The following PHYHD1 variants were observed in gnomAD, a reference collection of about 807,000 sequenced individuals.
PHYHD1 encodes the protein phytanoyl-CoA dioxygenase domain-containing protein 1.
A neutral mutation model predicts 43.6 loss-of-function variants in PHYHD1; 42 were observed. The observed-to-expected ratio is 0.96, with a 90% CI of 0.75 to 1.25. PHYHD1 has a LOEUF of 1.25. Among genes scored for constraint, PHYHD1 ranks in the 50% most tolerant of loss-of-function variants. The pLI, the probability that PHYHD1 is intolerant of heterozygous loss-of-function variation, is 0.00. For missense variants in PHYHD1, 342 were observed against 370.8 expected (o/e 0.92, Z 0.64); for synonymous variants, 139 against 143.6 (o/e 0.97, Z 0.23).
intron 4 of PHYHD1, among the ~76,000 whole-genome samples, chr9:128,930,667 C>T (rs185626514): frequency 6.6e-5 from 10 of 150,660 alleles, no homozygotes; most frequent in Non-Finnish European, 7.4e-5. Flanking sequence ...AAAAGCACCT[C>T]GGCCGGGTGC....
Position 128,927,049 on chromosome 9 carries a change from T to G in PHYHD1, c.45T>G (p.Asp15Glu), listed in dbSNP as rs1388661459. The G allele has an allele frequency of 6.2e-7, 1 of 1,614,138 alleles. No individual in the cohort carries two copies. Among genetic ancestry groups the G allele is most frequent in the African/African-American group, 1.3e-5 (1 of 75,050 alleles). The change falls in exon 4 of 13, where the codon GAT becomes GAG. Residue 15 changes from aspartate to glutamate, a missense_variant. Coordinates refer to ENST00000372592, the MANE Select transcript of PHYHD1 (RefSeq NM_001100876.2). ...SPSQLQKFQQ[D>E]GFLVLEGFLS... ...AAGCCTGCCTGCAGTTCCAACAGGATGGATTCCTGGTGCTGGAAGGATTCT... is the reference window on the plus strand; with the variant it reads ...AAGCCTGCCTGCAGTTCCAACAGGAGGGATTCCTGGTGCTGGAAGGATTCT...
chr9:128,922,864 C>CT (rs1314814728), intron 3 of PHYHD1, among the ~76,000 whole-genome samples: 4 of 151,732 alleles, frequency 2.6e-5, no homozygotes, highest in African/African-American at 9.7e-5. Context: ...GAATCAAGTG[C>CT]TGGACAGGTT....
intron 6 of PHYHD1, among the ~76,000 whole-genome samples, chr9:128,935,837 G>A (rs1841411358): frequency 6.6e-6 from 1 of 152,136 alleles, no homozygotes; most frequent in Non-Finnish European, 1.5e-5. Flanking sequence ...GGGAGGTGGA[G>A]GTTGCAGTGA....
At chr9:128,922,401 TC>T in intron 3 of PHYHD1, 45 bp downstream of exon 3, 1 of 1,532,082 alleles carries the variant, frequency 6.5e-7, no homozygotes, top group Non-Finnish European at 8.8e-7. Context: ...GGCGGGGGGG[TC>T]CCTGCCGGAC....
At chr9:128,924,317 C>G (rs1311097841) in intron 3 of PHYHD1, among the ~76,000 whole-genome samples, 2 of 152,142 alleles carry the variant, frequency 1.3e-5, no homozygotes, top group Non-Finnish European at 2.9e-5. Flanking sequence ...ACTCGGGAGG[C>G]TGAGGCAGGA....
At chr9:128,937,984 C>G in intron 9 of PHYHD1, 6 of 1,435,018 alleles carry the variant, frequency 4.2e-6, no homozygotes, top group Non-Finnish European at 5.5e-6. Context: ...GGGTCCTGAG[C>G]CTGCCAGCAA....
intron 9 of PHYHD1, chr9:128,937,992 C>G: frequency 7.0e-7 from 1 of 1,420,536 alleles, no homozygotes; most frequent in Non-Finnish European, 9.2e-7. Flanking sequence ...AGCCTGCCAG[C>G]AACCCCAGCT....
intron 8 of PHYHD1, among the ~76,000 whole-genome samples, chr9:128,936,881 G>A (rs1050249553): frequency 1.3e-5 from 2 of 152,156 alleles, no homozygotes; most frequent in African/African-American, 4.8e-5. Flanking sequence ...TTGGGAGGCT[G>A]AAGCGGGCAG....
chr9:128,933,814 C>T lies in PHYHD1; in HGVS notation c.225C>T (p.Asp75=). 1 of 1,614,156 alleles carries T rather than the reference C, an allele frequency of 6.2e-7. No homozygotes were observed. The highest frequency in any genetic ancestry group is 1.1e-5 in the South Asian group (1 of 91,080). The change falls in exon 5 of 13, where the codon GAC becomes GAT. Residue 75 remains aspartate (D), a synonymous_variant. Transcript: ENST00000372592. ...CAGACTATTTCTTGAGCAGTGGTGA[C>T]AAGATTCGATTCTTCTTTGAGAAAG... The part of the protein sequence containing the change: ...GSTDYFLSSG[D]KIRFFFEKGV...
At chr9:128,933,010 G>A (rs998235843) in intron 4 of PHYHD1, among the ~76,000 whole-genome samples, 1 of 149,784 alleles carries the variant, frequency 6.7e-6, no homozygotes, top group Admixed American at 6.7e-5. Flanking sequence ...ACCATGCCCG[G>A]CTAATTTTTT....
At chr9:128,922,166 G>A (rs1841013592) in intron 2 of PHYHD1, 117 bp from the exon 3 acceptor site, 2 of 755,992 alleles carry the variant, frequency 2.6e-6, no homozygotes, top group African/African-American at 1.8e-5. Flanking sequence ...TAGCCTGGAG[G>A]TCACAGGCTG....
chr9:128,925,969 CCT>C (rs1236044421), intron 3 of PHYHD1, among the ~76,000 whole-genome samples: 6 of 152,168 alleles, frequency 3.9e-5, no homozygotes, highest in Non-Finnish European at 8.8e-5. Context: ...TCACACTCAT[CCT>C]CTCTCTCTGG....
intron 6 of PHYHD1, among the ~76,000 whole-genome samples, chr9:128,936,153 C>G (rs575399948): frequency 6.6e-6 from 1 of 151,714 alleles, no homozygotes; most frequent in Non-Finnish European, 1.5e-5. Context: ...ATGGTGGTAC[C>G]GAGATTGCTC....
Position 128,922,012 on chromosome 9 carries a change from GCCTGAC to G in PHYHD1, c.-73_-68del. ...GACTGGGACTCAGCCCAGCTGCTTG[GCCTGAC>G]CCTCTCACAGCATAATTTCCCGGCA... On this transcript the variant is annotated 5_prime_UTR_variant, in exon 2 of 13. Coordinates refer to ENST00000372592, the MANE Select transcript of PHYHD1 (RefSeq NM_001100876.2). The G allele has an allele frequency of 2.3e-6, 1 of 430,812 alleles. No individual in the cohort carries two copies. Among genetic ancestry groups the G allele is most frequent in the African/African-American group, 2.0e-5 (1 of 49,130 alleles). The allele number at this position is 430,812 out of a possible 1,614,324, so 26.7% of individuals were successfully genotyped here.
rs376580800 is a variant in PHYHD1, at chr9:128,927,216, G to T, written c.192+20G>T. 8 of 1,612,988 alleles carry T rather than the reference G, an allele frequency of 5.0e-6. No individual in the cohort carries two copies. The African/African-American group carries it at 1.1e-4, about 22-fold the overall frequency. On this transcript the variant is annotated intron_variant, in intron 4 of 12. Transcript: ENST00000372592. ...GCCCAGGTAGGTGTCTGGGGCACAT[G>T]AGGATGGGATGTGGCTTTTGAGGGA... is the stretch of plus-strand genomic sequence containing the variant.
intron 6 of PHYHD1, among the ~76,000 whole-genome samples, chr9:128,934,768 CA>C (rs71497426): frequency 2.2e-3 from 257 of 114,494 alleles, no homozygotes; most frequent in Admixed American, 2.5e-3. Context: ...AACTCCGTCT[CA>C]AAAAAAAAAA....
rs1840993049 is a variant in PHYHD1, at chr9:128,921,298, T to C, written c.-530T>C. On this transcript the variant is annotated 5_prime_UTR_variant, in exon 1 of 13. Transcript: ENST00000372592. ...GGCTAGTTTTTGGTATTTTTATTTA[T>C]TATTTATTTATTTATTTTGAGACCG... is the stretch of plus-strand genomic sequence containing the variant. 1 of 151,692 alleles carries C rather than the reference T, an allele frequency of 6.6e-6. No homozygotes were observed. Among genetic ancestry groups the C allele is most frequent in the Admixed American group, 6.6e-5 (1 of 15,214 alleles). 9.4% of individuals were successfully genotyped at this position (151,692 alleles called of 1,614,324 possible).
At chr9:128,927,251 C>A in intron 4 of PHYHD1, 55 bp downstream of exon 4, 7 of 1,601,880 alleles carry the variant, frequency 4.4e-6, no homozygotes, top group Non-Finnish European at 6.0e-6. Context: ...AGGGCTTGGT[C>A]CCCGGCCAGA....
intron 3 of PHYHD1, among the ~76,000 whole-genome samples, chr9:128,926,580 G>C (rs1240161510): frequency 2.2e-5 from 3 of 138,508 alleles, no homozygotes; most frequent in African/African-American, 8.2e-5. Context: ...TTTTTTTCGA[G>C]GTGGAGTCTC....
Sources: allele counts gnomAD v4.1 joint callset (sites outside exome capture counted in the v4.1 genomes callset), GRCh38; gene constraint gnomAD v4.1.1; transcripts MANE v1.5; gene names NCBI Gene and HGNC (gene_info 2026-07-23, HGNC 2026-07-21).